Variants in SLC36A1 observed in about 807,000 individuals in gnomAD.
SLC36A1 encodes the protein solute carrier family 36 member 1.
SLC36A1 carries 30 observed loss-of-function variants against 47.5 expected under a neutral mutation model. That is an observed-to-expected ratio of 0.63 (90% CI 0.47 to 0.86). The LOEUF (loss-of-function observed/expected upper bound fraction) is 0.86, where lower values mean the gene tolerates loss of function less well. SLC36A1 is among the 40% of genes least tolerant of loss of function. SLC36A1 has a pLI of 0.00. For synonymous variants in SLC36A1, 255 were observed against 249.7 expected, an observed-to-expected ratio of 1.02 and a Z score of -0.20; for missense variants, 517 against 606.0, an observed-to-expected ratio of 0.85 and a Z score of 1.54.
chr5:151,465,016 T>C, intron 4 of SLC36A1, 58 bp from the exon 5 acceptor site: 1 of 1,381,138 alleles, frequency 7.2e-7, no homozygotes, highest in Non-Finnish European at 1.0e-6. Flanking sequence ...TTTTGTTCTG[T>C]CATTGTCATT....
At chr5:151,495,658 A>T (rs73272027), downstream of SLC36A1, among the ~76,000 whole-genome samples, 1,312 of 152,162 alleles carry the variant, frequency 8.6e-3, 17 homozygotes, top group African/African-American at 0.03. Context: ...CCCTTTATAG[A>T]TACCCACTCC....
At chr5:151,422,774 C>T in the SLC36A1 span, among the ~76,000 whole-genome samples, 1 of 152,036 alleles carries the variant, frequency 6.6e-6, no homozygotes, top group Non-Finnish European at 1.5e-5. Context: ...AGCCCCGTCT[C>T]TACTAAAAAT....
chr5:151,543,734 C>T, the SLC36A1 span: 3 of 1,614,070 alleles, frequency 1.9e-6, no homozygotes, highest in Non-Finnish European at 2.5e-6. Context: ...TACACAGGCA[C>T]AGTTGCTCGG....
At chr5:151,504,442 C>G in the SLC36A1 span, 1 of 152,674 alleles carries the variant, frequency 6.5e-6, no homozygotes, top group Non-Finnish European at 1.5e-5. Context: ...CCATGGGCAC[C>G]CACATGTGTA....
At chr5:151,399,091 T>A in the SLC36A1 span, among the ~76,000 whole-genome samples, 17 of 137,858 alleles carry the variant, frequency 1.2e-4, no homozygotes, top group African/African-American at 2.4e-4. Flanking sequence ...TATATTTTTT[T>A]TTTTTTTTTT....
At chr5:151,541,886 A>G in the SLC36A1 span, among the ~76,000 whole-genome samples, 2 of 152,254 alleles carry the variant, frequency 1.3e-5, no homozygotes, top group South Asian at 2.1e-4. Context: ...ATCATTCACA[A>G]CTTTACCTGG....
chr5:151,486,575 T>C (rs1759582966), intron 10 of SLC36A1, among the ~76,000 whole-genome samples: 2 of 152,268 alleles, frequency 1.3e-5, no homozygotes, highest in Admixed American at 1.3e-4. Flanking sequence ...ATGTAGACAT[T>C]GGCTGCCTTG....
the SLC36A1 span, among the ~76,000 whole-genome samples, chr5:151,403,169 T>C: frequency 6.6e-6 from 1 of 152,216 alleles, no homozygotes. Context: ...CTCTCAACAC[T>C]GCTTTTGCTG....
At chr5:151,424,433 A>G in the SLC36A1 span, among the ~76,000 whole-genome samples, 1 of 152,234 alleles carries the variant, frequency 6.6e-6, no homozygotes, top group Non-Finnish European at 1.5e-5. Flanking sequence ...AAGGGAAGAC[A>G]AGATGGACTT....
chr5:151,551,473 G>A, the SLC36A1 span: 2 of 1,614,066 alleles, frequency 1.2e-6, no homozygotes, highest in Non-Finnish European at 1.7e-6. Context: ...TAACCTGTGT[G>A]GCAATGGTGC....
chr5:151,526,859 T>G, the SLC36A1 span, among the ~76,000 whole-genome samples: 2 of 152,158 alleles, frequency 1.3e-5, no homozygotes, highest in Admixed American at 1.3e-4. Context: ...AAATCCTATT[T>G]GCAAACCATT....
chr5:151,527,326 G>A, the SLC36A1 span: 1 of 1,613,744 alleles, frequency 6.2e-7, no homozygotes, highest in African/African-American at 1.3e-5. Context: ...TCCTCATGCA[G>A]TGGAGGCTGC....
intron 10 of SLC36A1, among the ~76,000 whole-genome samples, chr5:151,486,028 G>A (rs977876005): frequency 2.0e-5 from 3 of 152,188 alleles, no homozygotes; most frequent in African/African-American, 7.2e-5. Flanking sequence ...GTCCATTTGC[G>A]TTGTTATAAA....
chr5:151,506,152 C>T, the SLC36A1 span: 1 of 1,487,072 alleles, frequency 6.7e-7, no homozygotes. Context: ...AAGGTTTCAG[C>T]TGGCTCTATA....
chr5:151,545,122 G>A, the SLC36A1 span: 1 of 1,614,204 alleles, frequency 6.2e-7, no homozygotes, highest in Middle Eastern at 1.6e-4. Flanking sequence ...GAGAAAGTAG[G>A]AAAGGGTGTC....
intron 1 of SLC36A1, among the ~76,000 whole-genome samples, chr5:151,449,464 C>G (rs1753282750): frequency 6.6e-6 from 1 of 152,200 alleles, no homozygotes; most frequent in Admixed American, 6.5e-5. Flanking sequence ...AAGCCTCTCC[C>G]TTTGTTTTCT....
At chr5:151,399,550 T>C in the SLC36A1 span, among the ~76,000 whole-genome samples, 1 of 152,206 alleles carries the variant, frequency 6.6e-6, no homozygotes, top group Non-Finnish European at 1.5e-5. Context: ...TAAACTCCTT[T>C]TAGTGCTGAC....
the SLC36A1 span, among the ~76,000 whole-genome samples, chr5:151,345,619 C>G: frequency 6.6e-6 from 1 of 152,198 alleles, no homozygotes; most frequent in South Asian, 2.1e-4. Flanking sequence ...TGACCGAGCA[C>G]TACACCCTAC....
At chr5:151,380,556 A>AT in the SLC36A1 span, 4 of 539,968 alleles carry the variant, frequency 7.4e-6, no homozygotes, top group Non-Finnish European at 1.5e-5. Context: ...ACAAGTTAAT[A>AT]AAGAAACTGG....
Sources: allele counts gnomAD v4.1 joint callset (sites outside exome capture counted in the v4.1 genomes callset), GRCh38; gene constraint gnomAD v4.1.1; transcripts MANE v1.5; gene names NCBI Gene and HGNC (gene_info 2026-07-23, HGNC 2026-07-21).